The following TMPRSS15 variants were observed in gnomAD, a reference collection of about 807,000 sequenced individuals.
The protein encoded by TMPRSS15 is transmembrane serine protease 15, also known as enteropeptidase.
In TMPRSS15, 128 loss-of-function variants were observed where a neutral mutation model predicts 125.3. The observed-to-expected ratio is 1.02, with a 90% CI of 0.89 to 1.18. The LOEUF (loss-of-function observed/expected upper bound fraction) is 1.18, where lower values mean the gene tolerates loss of function less well. Ranked by LOEUF, TMPRSS15 falls within the 50% of genes most tolerant of loss-of-function variation. The pLI is 0.00. For missense variants in TMPRSS15, 1,283 were observed against 1,212.7 expected (o/e 1.06, Z -0.86); for synonymous variants, 446 against 423.2 (o/e 1.05, Z -0.66).
intron 1 of TMPRSS15, among the ~76,000 whole-genome samples, chr21:18,412,412 G>A (rs140414726): frequency 4.1e-4 from 63 of 152,174 alleles, no homozygotes; most frequent in African/African-American, 4.6e-4. Context: ...TTTTCTAAGC[G>A]AAAGAATAAA....
intron 1 of TMPRSS15, among the ~76,000 whole-genome samples, chr21:18,431,621 C>T (rs2824825): frequency 0.39 from 58,850 of 151,854 alleles, 12,102 homozygotes; most frequent in Middle Eastern, 0.47. Flanking sequence ...TTTTCCAAAG[C>T]ATAGTTGTGT....
intron 1 of TMPRSS15, among the ~76,000 whole-genome samples, chr21:18,479,046 A>C (rs1167684857): frequency 1.3e-5 from 2 of 152,076 alleles, no homozygotes; most frequent in South Asian, 4.1e-4. Context: ...CCCACATCTG[A>C]AAATCTGAAA....
At chr21:18,298,687 A>C (rs934757522) in intron 18 of TMPRSS15, among the ~76,000 whole-genome samples, 1 of 152,202 alleles carries the variant, frequency 6.6e-6, no homozygotes, top group Non-Finnish European at 1.5e-5. Context: ...ATATGCCTTT[A>C]GGCTGGAAAC....
intron 1 of TMPRSS15, among the ~76,000 whole-genome samples, chr21:18,445,644 A>G (rs1287927686): frequency 6.6e-6 from 1 of 152,228 alleles, no homozygotes; most frequent in African/African-American, 2.4e-5. Context: ...AAGGGATGCC[A>G]CAATGTTTCA....
intron 4 of TMPRSS15, 115 bp downstream of exon 4, chr21:18,383,512 G>A: frequency 1.6e-6 from 2 of 1,215,576 alleles, no homozygotes; most frequent in South Asian, 2.7e-5. Context: ...GTCACCTCAG[G>A]CAATAAGACA....
At chr21:18,477,556 G>A (rs891526878) in intron 1 of TMPRSS15, 1 of 152,038 alleles carries the variant, frequency 6.6e-6, no homozygotes, top group Non-Finnish European at 1.5e-5. Flanking sequence ...GAGTAGAGAA[G>A]GGACTCATGT....
chr21:18,476,816 G>T (rs1978887222), intron 1 of TMPRSS15, among the ~76,000 whole-genome samples: 1 of 152,004 alleles, frequency 6.6e-6, no homozygotes, highest in Non-Finnish European at 1.5e-5. Flanking sequence ...CTTGACTAAT[G>T]GTTAGATAAT....
At chr21:18,398,930 C>T (rs996499098) in intron 1 of TMPRSS15, among the ~76,000 whole-genome samples, 49 of 151,678 alleles carry the variant, frequency 3.2e-4, no homozygotes, top group African/African-American at 1.2e-3. Flanking sequence ...ATTTAGAATG[C>T]TGTAGAAAAT....
chr21:18,413,767 G>A (rs943059578), intron 1 of TMPRSS15, among the ~76,000 whole-genome samples: 10 of 150,718 alleles, frequency 6.6e-5, no homozygotes, highest in African/African-American at 1.2e-4. Context: ...TTGCTCTGTC[G>A]CCCAGACTGG....
At chr21:18,329,131 G>A (rs754852311) in intron 15 of TMPRSS15, 38 bp downstream of exon 15, 1 of 1,609,150 alleles carries the variant, frequency 6.2e-7, no homozygotes, top group Middle Eastern at 1.7e-4. Flanking sequence ...AACATCTTGA[G>A]CTTTACAACC....
chr21:18,351,003 G>A (rs1381639805), intron 10 of TMPRSS15, among the ~76,000 whole-genome samples: 1 of 151,890 alleles, frequency 6.6e-6, no homozygotes, highest in Non-Finnish European at 1.5e-5. Flanking sequence ...AGTTGAAATA[G>A]TGTGATGAAC....
chr21:18,400,408 C>T (rs1225001950), intron 1 of TMPRSS15, among the ~76,000 whole-genome samples: 1 of 151,938 alleles, frequency 6.6e-6, no homozygotes, highest in East Asian at 1.9e-4. Flanking sequence ...ATAGAGAACC[C>T]ACAGTAAAGT....
chr21:18,366,958 T>G (rs1318903656), intron 6 of TMPRSS15, among the ~76,000 whole-genome samples: 1 of 152,104 alleles, frequency 6.6e-6, no homozygotes, highest in Non-Finnish European at 1.5e-5. Context: ...ATAAATACAT[T>G]AAAAATTAGA....
At position 18,278,979 on chromosome 21, in the gene TMPRSS15, T is replaced by G. The variant is rs2074656217; in HGVS notation, c.2749A>C (p.Thr917Pro). Residue 917 changes from threonine to proline, a missense_variant, in exon 23 of 25, where the codon ACG becomes CCG. Physicochemically the swap from Thr to Pro is conservative, Grantham distance 38 (BLOSUM62 -1). Transcript: ENST00000284885. Reference sequence around the variant, plus strand: ...GATAATTTACCTTGATATACAACCGTCCCCCAACCAGCAATAGAACAATTT... The same window carrying G: ...GATAATTTACCTTGATATACAACCGGCCCCCAACCAGCAATAGAACAATTT... ...GRNCSIAGWG[T>P]VVYQGTTANI... 7.3e-7 allele frequency: 1 copy of G among 1,374,700 alleles called. No individual in the cohort carries two copies. The highest frequency in any genetic ancestry group is 1.0e-6 in the Non-Finnish European group (1 of 986,078). The allele number at this position is 1,374,700 out of a possible 1,614,324, so 85.2% of individuals were successfully genotyped here.
In TMPRSS15 at chr21:18,297,703, A is replaced by C. The variant is rs762997924; in HGVS notation, c.2261+31T>G. 1.1e-5 allele frequency: 16 copies of C among 1,519,864 alleles called. No homozygotes were observed. The South Asian group carries it at 1.8e-4, about 17-fold the overall frequency. 94.1% of individuals were successfully genotyped at this position (1,519,864 alleles called of 1,614,324 possible). On this transcript the variant is annotated intron_variant, in intron 19 of 24. Transcript: ENST00000284885. ...TCTATCTTCTGCCATGTCTATGTAC[A>C]ACTAGTCTAAGAACAGATTTAGGGA...
rs767444117 is a variant in TMPRSS15 at position 18,329,268 on chromosome 21, C to T, written c.1681G>A (p.Gly561Arg). ...FCVWILNAQK[G>R]KNIQLHFQEF... ...TGAAAATGAAGTTGTATATTCTTTC[C>T]TTTTTGTGCATTTAAAATCCAAACA... The change falls in exon 15 of 25, where the codon GGA becomes AGA. Residue 561 changes from glycine (G) to arginine (R), a missense_variant. Coordinates refer to ENST00000284885, the MANE Select transcript of TMPRSS15 (RefSeq NM_002772.3). 5 of 1,610,814 alleles carry T rather than the reference C, an allele frequency of 3.1e-6. No individual in the cohort carries two copies. The African/African-American group carries it at 6.7e-5, about 22-fold the overall frequency.
At chr21:18,422,224 G>A (rs2076193768) in intron 1 of TMPRSS15, among the ~76,000 whole-genome samples, 3 of 151,996 alleles carry the variant, frequency 2.0e-5, no homozygotes, top group Admixed American at 1.3e-4. Flanking sequence ...GACCTCAGGC[G>A]AGCCACCCTC....
intron 1 of TMPRSS15, among the ~76,000 whole-genome samples, chr21:18,449,422 G>A (rs79002012): frequency 0.045 from 6,770 of 152,054 alleles, 407 homozygotes; most frequent in African/African-American, 0.13. Flanking sequence ...CTCCCAACAA[G>A]CAGGAAAACA....
chr21:18,412,760 T>C (rs2076169265), intron 1 of TMPRSS15, among the ~76,000 whole-genome samples: 1 of 152,138 alleles, frequency 6.6e-6, no homozygotes, highest in African/African-American at 2.4e-5. Context: ...TTGGGTCCAT[T>C]AACATTAAAA....
Sources: gnomAD v4.1 joint callset for allele counts (sites outside exome capture counted in the v4.1 genomes callset) on GRCh38, gnomAD v4.1.1 for gene constraint, MANE v1.5 for transcripts, NCBI Gene and HGNC (gene_info 2026-07-23, HGNC 2026-07-21) for gene names.